DMXL2: variants seen among roughly 807,000 people sequenced by gnomAD.
The protein encoded by DMXL2 is Dmx like 2.
A neutral mutation model predicts 331.1 loss-of-function variants in DMXL2; 103 were observed. That is an observed-to-expected ratio of 0.31 (90% CI 0.27 to 0.37). DMXL2 has a LOEUF of 0.37. DMXL2 is among the 10% of genes least tolerant of loss of function. The pLI is 1.00. For missense variants in DMXL2, 3,171 were observed against 3,642.9 expected, an observed-to-expected ratio of 0.87 and a Z score of 3.33; for synonymous variants, 1,281 against 1,252.1, an observed-to-expected ratio of 1.02 and a Z score of -0.49.
intron 8 of DMXL2, among the ~76,000 whole-genome samples, chr15:51,543,565 A>T (rs573094266): frequency 2.0e-5 from 3 of 152,274 alleles, no homozygotes; most frequent in African/African-American, 7.2e-5. Flanking sequence ...CATCATTTTA[A>T]ATTAGACTGA....
chr15:51,465,491 TATAG>T, intron 31 of DMXL2, 71 bp downstream of exon 31: 1 of 1,074,404 alleles, frequency 9.3e-7, no homozygotes, highest in African/African-American at 1.6e-5. Flanking sequence ...TGACCTTATA[TATAG>T]ATTTTGTAAA....
rs577678913 is a variant in DMXL2 at position 51,486,356 on chromosome 15, A to G, written c.5218-19T>C. ...GACATACCTGCAAATTTAAATATTA[A>G]TACTTATCTTACTTAATGATAATTA... On this transcript the variant is annotated intron_variant, in intron 22 of 43. Coordinates refer to ENST00000560891, the MANE Select transcript of DMXL2 (RefSeq NM_001378457.1). The G allele has an allele frequency of 4.7e-6, 7 of 1,503,330 alleles. No individual in the cohort carries two copies. In the East Asian group the frequency reaches 1.4e-4, roughly 29 times the overall value. The allele number at this position is 1,503,330 out of a possible 1,614,324, so 93.1% of individuals were successfully genotyped here. A position where few individuals can be genotyped will look rare whatever the true frequency, so the allele number is the denominator to read the frequency against.
intron 16 of DMXL2, among the ~76,000 whole-genome samples, chr15:51,504,076 A>T (rs2043879577): frequency 6.6e-6 from 1 of 152,172 alleles, no homozygotes; most frequent in African/African-American, 2.4e-5. Flanking sequence ...AGCTTGAGGA[A>T]TTTGTTAACA....
chr15:51,471,049 G>C, intron 29 of DMXL2, among the ~76,000 whole-genome samples, 174 bp downstream of exon 29: 1 of 152,224 alleles, frequency 6.6e-6, no homozygotes, highest in South Asian at 2.1e-4. Flanking sequence ...TCAGGTAACT[G>C]ATCATCCTCG....
intron 1 of DMXL2, among the ~76,000 whole-genome samples, chr15:51,616,818 T>C (rs2054309654): frequency 6.6e-6 from 1 of 151,872 alleles, no homozygotes; most frequent in African/African-American, 2.4e-5. Flanking sequence ...GCACCTGTAA[T>C]TCCAGCTACT....
intron 1 of DMXL2, among the ~76,000 whole-genome samples, chr15:51,617,076 T>G (rs1482234549): frequency 6.6e-6 from 1 of 152,168 alleles, no homozygotes; most frequent in Non-Finnish European, 1.5e-5. Context: ...GCATGACTTG[T>G]TTTTCTACTG....
intron 13 of DMXL2, among the ~76,000 whole-genome samples, chr15:51,523,772 A>G (rs550755350): frequency 6.6e-6 from 1 of 152,376 alleles, no homozygotes; most frequent in African/African-American, 2.4e-5. Flanking sequence ...GGCCTTGCCA[A>G]CACCTTGAAT....
intron 1 of DMXL2, among the ~76,000 whole-genome samples, chr15:51,577,174 A>C (rs766094922): frequency 6.6e-6 from 1 of 152,196 alleles, no homozygotes; most frequent in Non-Finnish European, 1.5e-5. Flanking sequence ...AAAACTTATG[A>C]AATGGTATTT....
rs572670667 is a variant in DMXL2, at chr15:51,538,307, C to T, written c.1251G>A (p.Lys417=). The T allele has an allele frequency of 1.1e-5, 18 of 1,613,708 alleles. No individual in the cohort carries two copies. The highest frequency in any genetic ancestry group is 1.4e-5 in the Non-Finnish European group (17 of 1,179,848). Residue 417 remains lysine, a synonymous_variant, in exon 10 of 44, where the codon AAG becomes AAA. Transcript: ENST00000560891. ...CATCATCATTTTCATGATCTACCTG[C>T]TTATCAGAAAGTTTTCGTAATTGAT... The part of the protein sequence containing the change: ...FMHQLRKLSD[K]QVDHENDDAD...
chr15:51,596,901 TCA>T (rs1434560079), intron 1 of DMXL2, among the ~76,000 whole-genome samples: 2 of 151,988 alleles, frequency 1.3e-5, no homozygotes, highest in Non-Finnish European at 2.9e-5. Flanking sequence ...AAGGGGAACA[TCA>T]CACACCGGGG....
intron 29 of DMXL2, among the ~76,000 whole-genome samples, chr15:51,470,812 G>C (rs1421259517): frequency 6.6e-6 from 1 of 152,158 alleles, no homozygotes; most frequent in Non-Finnish European, 1.5e-5. Context: ...AAACAGAGAT[G>C]TATCATGGGG....
At chr15:51,466,788 A>C (rs2040616162) in intron 29 of DMXL2, among the ~76,000 whole-genome samples, 1 of 152,052 alleles carries the variant, frequency 6.6e-6, no homozygotes, top group African/African-American at 2.4e-5. Context: ...TTTCAATAAA[A>C]ATCTCCCTGT....
intron 11 of DMXL2, among the ~76,000 whole-genome samples, chr15:51,537,238 C>T (rs1388069818): frequency 6.6e-6 from 1 of 151,912 alleles, no homozygotes; most frequent in Non-Finnish European, 1.5e-5. Flanking sequence ...TTATTAATTC[C>T]CTCAAAAATC....
chr15:51,610,604 T>C (rs1318647005), intron 1 of DMXL2, among the ~76,000 whole-genome samples: 1 of 151,742 alleles, frequency 6.6e-6, no homozygotes, highest in Non-Finnish European at 1.5e-5. Flanking sequence ...CCGTCTCCAA[T>C]AAAAATACAA....
At chr15:51,595,345 C>A (rs1396236720) in intron 1 of DMXL2, among the ~76,000 whole-genome samples, 1 of 152,142 alleles carries the variant, frequency 6.6e-6, no homozygotes, top group African/African-American at 2.4e-5. Context: ...AATAAAATAT[C>A]TAGGAATTCA....
rs2039714511 is a variant in DMXL2 at position 51,457,308 on chromosome 15, C to T, written c.8337+20G>A. 6 of 1,606,870 alleles carry T rather than the reference C, an allele frequency of 3.7e-6. No homozygotes were observed. The highest frequency in any genetic ancestry group is 5.1e-6 in the Non-Finnish European group (6 of 1,177,176). On this transcript the variant is annotated intron_variant, in intron 37 of 43. Coordinates refer to ENST00000560891, the MANE Select transcript of DMXL2 (RefSeq NM_001378457.1). ...TCAGAGTCCAAATCCAGAAATGATA[C>T]CTATAAGTAAATAACATACCACACT... is the stretch of plus-strand genomic sequence containing the variant.
At chr15:51,451,548 C>T in intron 42 of DMXL2, 97 bp downstream of exon 42, 1 of 945,180 alleles carries the variant, frequency 1.1e-6, no homozygotes, top group South Asian at 1.6e-5. Context: ...TGTCAATAAA[C>T]ACTCACTGGA....
chr15:51,580,386 T>C (rs775070362), intron 1 of DMXL2, among the ~76,000 whole-genome samples: 3 of 152,196 alleles, frequency 2.0e-5, no homozygotes, highest in Non-Finnish European at 4.4e-5. Flanking sequence ...TTAGTAAAGT[T>C]AGTAAACTAA....
At chr15:51,479,451 A>G (rs1408394339) in intron 25 of DMXL2, among the ~76,000 whole-genome samples, 1 of 152,184 alleles carries the variant, frequency 6.6e-6, no homozygotes, top group Non-Finnish European at 1.5e-5. Flanking sequence ...CAGGGTATCA[A>G]TATAGTTCGC....
Sources: allele counts gnomAD v4.1 joint callset (sites outside exome capture counted in the v4.1 genomes callset), GRCh38; gene constraint gnomAD v4.1.1; transcripts MANE v1.5; gene names NCBI Gene and HGNC (gene_info 2026-07-23, HGNC 2026-07-21).